The following GRM5 variants were observed in gnomAD, a reference collection of about 807,000 sequenced individuals.
The protein encoded by GRM5 is metabotropic glutamate receptor 5.
Under a neutral mutation model 83.1 loss-of-function variants are expected in GRM5, and 19 were observed. The ratio of observed to expected loss-of-function variants is 0.23; its 90% confidence interval spans 0.16 to 0.34. The LOEUF is 0.34. GRM5 is among the 10% of genes least tolerant of loss of function. The pLI is 1.00. For missense variants in GRM5, 1,160 were observed against 1,588.3 expected, an observed-to-expected ratio of 0.73 and a Z score of 4.58; for synonymous variants, 675 against 633.6, an observed-to-expected ratio of 1.07 and a Z score of -0.98.
chr11:88,574,944 G>C (rs1470485040), intron 7 of GRM5, among the ~76,000 whole-genome samples: 1 of 147,698 alleles, frequency 6.8e-6, no homozygotes, highest in Admixed American at 6.7e-5. Context: ...TCAGATAGAT[G>C]TACTTTTCTT....
Position 88,527,247 on chromosome 11 carries a change from C to T in GRM5, c.2631-1843G>A, listed in dbSNP as rs1029717017. Reference sequence around the variant, plus strand: ...TCATTCACTTCCTTACAAAGGGATCCTTAACATATTTTTGAATATCTTCTG... The same window carrying T: ...TCATTCACTTCCTTACAAAGGGATCTTTAACATATTTTTGAATATCTTCTG... On this transcript the variant is annotated intron_variant, in intron 8 of 9. Coordinates refer to ENST00000305447, the MANE Select transcript of GRM5 (RefSeq NM_001143831.3). 3.3e-5 allele frequency among the ~76,000 whole-genome samples: 5 copies of T among 152,218 alleles called. No individual in the cohort carries two copies. The South Asian group carries it at 6.2e-4, about 19-fold the overall frequency.
At chr11:88,548,483 CATT>C (rs1942431344) in intron 8 of GRM5, among the ~76,000 whole-genome samples, 1 of 152,156 alleles carries the variant, frequency 6.6e-6, no homozygotes, top group South Asian at 2.1e-4. Flanking sequence ...AATATCAATT[CATT>C]ATGCGAAGGG....
In GRM5 at chr11:89,065,888, C is replaced by G. The variant is rs555445538; in HGVS notation, c.-313G>C. 8 of 152,302 alleles carry G rather than the reference C, an allele frequency of 5.3e-5. No individual in the cohort carries two copies. Among genetic ancestry groups the G allele is most frequent in the African/African-American group, 1.9e-4 (8 of 41,562 alleles). 9.4% of individuals were successfully genotyped at this position (152,302 alleles called of 1,614,324 possible). On this transcript the variant is annotated 5_prime_UTR_variant, in exon 1 of 10. Coordinates refer to ENST00000305447, the MANE Select transcript of GRM5 (RefSeq NM_001143831.3). ...GCGCTAGTGTCGGCGATGGAGGCAGCGGTGACAGCAGGCAGAACGGCTGCG... is the reference window on the plus strand; with the variant it reads ...GCGCTAGTGTCGGCGATGGAGGCAGGGGTGACAGCAGGCAGAACGGCTGCG...
chr11:88,604,681 A>G (rs1479698712), intron 5 of GRM5, 37 bp downstream of exon 5: 1 of 1,539,030 alleles, frequency 6.5e-7, no homozygotes, highest in Non-Finnish European at 9.0e-7. Flanking sequence ...GCTGTTATTC[A>G]GTCTCTACTC....
chr11:88,825,681 A>G (rs1406798388), intron 3 of GRM5, among the ~76,000 whole-genome samples: 1 of 152,232 alleles, frequency 6.6e-6, no homozygotes, highest in Non-Finnish European at 1.5e-5. Context: ...AAGTGGAAAG[A>G]CAAGCTGGAC....
At chr11:88,700,314 T>C (rs1499026) in intron 3 of GRM5, among the ~76,000 whole-genome samples, 27,974 of 152,036 alleles carry the variant, frequency 0.18, 5,021 homozygotes, top group African/African-American at 0.46. Context: ...AGCTATCCTC[T>C]GTTATCAGGC....
chr11:88,904,599 C>T (rs923640128), intron 2 of GRM5, among the ~76,000 whole-genome samples: 92 of 152,108 alleles, frequency 6.0e-4, no homozygotes, highest in African/African-American at 2.2e-3. Context: ...TCGGTGGAAT[C>T]CCAGGAGTCT....
intron 9 of GRM5, among the ~76,000 whole-genome samples, chr11:88,518,840 C>T (rs943699177): frequency 1.1e-4 from 17 of 151,276 alleles, no homozygotes; most frequent in African/African-American, 3.9e-4. Flanking sequence ...TCCCCAAACA[C>T]CCCATGGTCC....
chr11:89,053,804 G>T (rs1941812002), intron 1 of GRM5, among the ~76,000 whole-genome samples: 1 of 152,072 alleles, frequency 6.6e-6, no homozygotes, highest in South Asian at 2.1e-4. Flanking sequence ...ATAGCTAAAA[G>T]AATTAAAGGA....
At chr11:88,857,110 A>T (rs1463186877) in intron 2 of GRM5, among the ~76,000 whole-genome samples, 1 of 152,066 alleles carries the variant, frequency 6.6e-6, no homozygotes, top group Non-Finnish European at 1.5e-5. Context: ...ATAAAAATGA[A>T]ATTTCTTGGT....
Position 88,568,001 on chromosome 11 carries a change from A to T in GRM5, c.1691-9T>A. The stretch of plus-strand genomic sequence containing the variant: ...TGGGATCAAGTCACAACCTGCAGAG[A>T]CACAAACACATATTGTAAAGGAGGG... On this transcript the variant is annotated splice_polypyrimidine_tract_variant and intron_variant, in intron 7 of 9. Transcript: ENST00000305447. 1 of 1,566,832 alleles carries T rather than the reference A, an allele frequency of 6.4e-7. No homozygotes were observed. The highest frequency in any genetic ancestry group is 8.8e-7 in the Non-Finnish European group (1 of 1,140,790).
chr11:88,812,467 G>A (rs1210044441), intron 3 of GRM5, among the ~76,000 whole-genome samples: 1 of 152,126 alleles, frequency 6.6e-6, no homozygotes, highest in Non-Finnish European at 1.5e-5. Flanking sequence ...GCTTAGGATT[G>A]CCCAAGAAAT....
At chr11:88,941,116 T>C (rs1165146924) in intron 2 of GRM5, among the ~76,000 whole-genome samples, 2 of 151,706 alleles carry the variant, frequency 1.3e-5, no homozygotes, top group Non-Finnish European at 2.9e-5. Context: ...TTTATACTAA[T>C]AAGAAGCAAA....
intron 2 of GRM5, among the ~76,000 whole-genome samples, chr11:88,862,470 A>T (rs1944582200): frequency 6.6e-6 from 1 of 152,122 alleles, no homozygotes; most frequent in Middle Eastern, 3.2e-3. Context: ...AACACTTAAA[A>T]ATCCTCAGTT....
intron 3 of GRM5, among the ~76,000 whole-genome samples, chr11:88,806,002 C>T (rs1039145876): frequency 6.6e-6 from 1 of 152,186 alleles, no homozygotes; most frequent in Admixed American, 6.5e-5. Context: ...CAAGTGCTGC[C>T]AATAGCACTG....
At chr11:88,877,846 A>G (rs1388664775) in intron 2 of GRM5, among the ~76,000 whole-genome samples, 1 of 141,828 alleles carries the variant, frequency 7.1e-6, no homozygotes, top group Admixed American at 6.9e-5. Flanking sequence ...AAAAAAGCAG[A>G]AAGAAAGAAA....
At chr11:88,512,033 G>A (rs918502509) in intron 9 of GRM5, 2 of 152,094 alleles carry the variant, frequency 1.3e-5, no homozygotes, top group Non-Finnish European at 2.9e-5. Flanking sequence ...CTTTTAAAAA[G>A]TTTCTCTCTC....
rs528699204 is a variant in GRM5, at chr11:88,600,711, T to C, written c.1395-3359A>G. On this transcript the variant is annotated intron_variant, in intron 5 of 9. Coordinates refer to ENST00000305447, the MANE Select transcript of GRM5 (RefSeq NM_001143831.3). ...ATTAGAGAAGATTGTCTTCAGATGA[T>C]AATGAGGGATTTATTCAAGGGGCTG... Among the ~76,000 whole-genome samples, 56 of 152,202 alleles carry C rather than the reference T, an allele frequency of 3.7e-4. 1 individual carries two copies. Among genetic ancestry groups the C allele is most frequent in the Non-Finnish European group, 6.0e-4 (41 of 68,040 alleles).
intron 3 of GRM5, among the ~76,000 whole-genome samples, chr11:88,726,669 C>T (rs943322951): frequency 2.0e-5 from 3 of 152,062 alleles, no homozygotes; most frequent in African/African-American, 2.4e-5. Context: ...AAAGGGAAGC[C>T]CATCAGACTA....
Sources: gnomAD v4.1 joint callset for allele counts (sites outside exome capture counted in the v4.1 genomes callset) on GRCh38, gnomAD v4.1.1 for gene constraint, MANE v1.5 for transcripts, NCBI Gene and HGNC (gene_info 2026-07-23, HGNC 2026-07-21) for gene names.